C4BPA: variants seen among roughly 807,000 people sequenced by gnomAD.
The protein encoded by C4BPA is complement component 4 binding protein alpha.
Under a neutral mutation model 63.7 loss-of-function variants are expected in C4BPA, and 31 were observed. The ratio of observed to expected loss-of-function variants is 0.49; its 90% CI spans 0.37 to 0.66. C4BPA has a LOEUF of 0.66. C4BPA is among the 30% of genes least tolerant of loss of function. C4BPA has a pLI of 0.00. For missense variants in C4BPA, 572 were observed against 723.3 expected (o/e 0.79, Z 2.40); for synonymous variants, 259 against 254.7 (o/e 1.02, Z -0.16).
At position 207,133,551 on chromosome 1, in the gene C4BPA, C is replaced by T. The variant is rs188706104; in HGVS notation, c.1085-853C>T. Among the ~76,000 whole-genome samples the T allele has an allele frequency of 1.7e-3, 259 of 152,278 alleles. 2 individuals are homozygous for T. Among genetic ancestry groups the T allele is most frequent in the South Asian group, 0.016 (79 of 4,828 alleles). On this transcript the variant is annotated intron_variant, in intron 8 of 11. Transcript: ENST00000367070. ...GGCCGAGGTGGGGGGCCACTTGAGG[C>T]CAGGAGTTTGAGATCAGCCTGGGTA... is the stretch of plus-strand genomic sequence containing the variant.
chr1:207,133,350 A>T (rs1412109704), intron 8 of C4BPA, among the ~76,000 whole-genome samples: 1 of 152,232 alleles, frequency 6.6e-6, no homozygotes, highest in East Asian at 1.9e-4. Context: ...TGGAGAATGT[A>T]ATATTTTATT....
At chr1:207,122,188 T>C (rs1319620941) in intron 4 of C4BPA, among the ~76,000 whole-genome samples, 4 of 152,214 alleles carry the variant, frequency 2.6e-5, no homozygotes, top group African/African-American at 9.6e-5. Context: ...TTGGCTGTAG[T>C]TTGTCCTATG....
intron 9 of C4BPA, among the ~76,000 whole-genome samples, chr1:207,138,595 C>G (rs1685345922): frequency 6.6e-6 from 1 of 152,172 alleles, no homozygotes; most frequent in Admixed American, 6.5e-5. Flanking sequence ...ACACTAGGTT[C>G]TGCTGGGTCC....
chr1:207,126,861 C>A lies in C4BPA; in HGVS notation c.855C>A (p.Ser285Arg), dbSNP rs1347933631. The change falls in exon 7 of 12, where the codon AGC (serine) becomes AGA (arginine). Residue 285 changes from serine (S) to arginine (R), a missense_variant. Physicochemically the swap from Ser to Arg is moderately radical, Grantham distance 110 (BLOSUM62 -1). Coordinates refer to ENST00000367070, the MANE Select transcript of C4BPA (RefSeq NM_000715.4). ...GSSVIHCDAD[S>R]KWNPSPPACE... The stretch of plus-strand genomic sequence containing the variant: ...GTGTAATTCATTGTGATGCTGATAG[C>A]AAATGGAATCCTTCTCCTCCTGCTT... 2.5e-6 allele frequency: 4 copies of A among 1,612,952 alleles called. No homozygotes were observed. In the South Asian group the frequency reaches 4.4e-5, roughly 18 times the overall value.
intron 2 of C4BPA, 70 bp from the exon 3 acceptor site, chr1:207,114,030 A>G: frequency 1.5e-6 from 2 of 1,313,308 alleles, no homozygotes; most frequent in Non-Finnish European, 2.1e-6. Flanking sequence ...TAAACATCAC[A>G]CTTCAGAAAC....
chr1:207,104,583 T>C (rs1311150067), intron 1 of C4BPA, among the ~76,000 whole-genome samples, 153 bp downstream of exon 1: 4 of 152,218 alleles, frequency 2.6e-5, no homozygotes, highest in Admixed American at 6.5e-5. Context: ...TAGGGGGATG[T>C]AAGACTTGAG....
intron 7 of C4BPA, among the ~76,000 whole-genome samples, chr1:207,128,707 G>A (rs1164997857): frequency 6.6e-6 from 1 of 152,186 alleles, no homozygotes; most frequent in Non-Finnish European, 1.5e-5. Flanking sequence ...GCTGTTAGAT[G>A]TTGCACACTT....
Position 207,144,758 on chromosome 1 carries a change from G to T in C4BPA, c.*41G>T. 1.4e-6 allele frequency: 2 copies of T among 1,468,296 alleles called. No individual in the cohort carries two copies. The highest frequency in any genetic ancestry group is 1.9e-6 in the Non-Finnish European group (2 of 1,077,010). The allele number at this position is 1,468,296 out of a possible 1,614,324, so 91.0% of individuals were successfully genotyped here. A position where few individuals can be genotyped will look rare whatever the true frequency, so the allele number is the denominator to read the frequency against. ...GGAGGAAAAGGTGTCTTGCTGGCTTGCCTCTTGCAATTCAATACAGATCAG... is the reference window on the plus strand; with the variant it reads ...GGAGGAAAAGGTGTCTTGCTGGCTTTCCTCTTGCAATTCAATACAGATCAG... On this transcript the variant is annotated 3_prime_UTR_variant, in exon 12 of 12. Transcript: ENST00000367070.
Position 207,124,265 on chromosome 1 carries a change from G to T in C4BPA, c.605G>T (p.Ser202Ile), listed in dbSNP as rs751883518. 96 of 1,613,682 alleles carry T rather than the reference G, an allele frequency of 5.9e-5. No individual in the cohort carries two copies. Among genetic ancestry groups the T allele is most frequent in the Non-Finnish European group, 7.8e-5 (92 of 1,179,818 alleles). ...GCATACGGCTTTTCTGTCACCTACA[G>T]CTGTGACCCCCGCTTCTCACTCTTG... ...FYAYGFSVTYSCDPRFSLLGH... is the reference protein window; with the variant it reads ...FYAYGFSVTYICDPRFSLLGH... The change falls in exon 6 of 12, where the codon AGC (serine) becomes ATC (isoleucine). Residue 202 changes from serine to isoleucine, a missense_variant. Transcript: ENST00000367070.
rs1160430108 is a variant in C4BPA, at chr1:207,134,123, T to C, written c.1085-281T>C. On this transcript the variant is annotated intron_variant, in intron 8 of 11. Coordinates refer to ENST00000367070, the MANE Select transcript of C4BPA (RefSeq NM_000715.4). ...TTGAACTCCCAAAGCACTGGGATTA[T>C]AGGCATGAGCTACCACACCTGGCTC... 4.6e-5 allele frequency among the ~76,000 whole-genome samples: 7 copies of C among 152,332 alleles called. 1 individual carries two copies. In the South Asian group the frequency reaches 1.0e-3, roughly 23 times the overall value.
chr1:207,117,652 G>A (rs1684832587), intron 4 of C4BPA, among the ~76,000 whole-genome samples: 2 of 152,072 alleles, frequency 1.3e-5, no homozygotes, highest in South Asian at 4.1e-4. Context: ...AAGTACATAG[G>A]AAACTTCACA....
intron 1 of C4BPA, among the ~76,000 whole-genome samples, chr1:207,112,447 CT>C (rs1684689574): frequency 6.6e-6 from 1 of 151,596 alleles, no homozygotes; most frequent in Non-Finnish European, 1.5e-5. Flanking sequence ...CTCACTCAAC[CT>C]CCCTGTTTCT....
At position 207,119,444 on chromosome 1, in the gene C4BPA, C is replaced by A. The variant is rs778845173; in HGVS notation, c.428+3929C>A. 3.2e-5 allele frequency among the ~76,000 whole-genome samples: 3 copies of A among 93,356 alleles called. 1 individual carries two copies. Among genetic ancestry groups the A allele is most frequent in the Non-Finnish European group, 8.0e-5 (3 of 37,634 alleles). 61.2% of individuals were successfully genotyped at this position (93,356 alleles called of 152,430 possible). Reference sequence around the variant, plus strand: ...TAATTACAGCTTAGCTAAGTTGACACAACATAAATCTACCACAGCTCACTC... The same window carrying A: ...TAATTACAGCTTAGCTAAGTTGACAAAACATAAATCTACCACAGCTCACTC... On this transcript the variant is annotated intron_variant, in intron 4 of 11. Coordinates refer to ENST00000367070, the MANE Select transcript of C4BPA (RefSeq NM_000715.4).
Position 207,131,554 on chromosome 1 carries a change from A to G in C4BPA, c.898A>G (p.Ile300Val), listed in dbSNP as rs1384823388. 2 of 1,605,778 alleles carry G rather than the reference A, an allele frequency of 1.2e-6. No individual in the cohort carries two copies. Among genetic ancestry groups the G allele is most frequent in the Non-Finnish European group, 1.7e-6 (2 of 1,173,342 alleles). ...SPPACEPNSC[I>V]NLPDIPHASW... ...TCTTCTTTCATGAGTAGATAGTTGT[A>G]TTAATTTACCAGACATTCCACATGC... The change falls in exon 8 of 12, where the codon ATT becomes GTT. Residue 300 changes from isoleucine (I) to valine (V), a missense_variant. Physicochemically the swap from Ile to Val is conservative, Grantham distance 29 (BLOSUM62 3). Transcript: ENST00000367070.
intron 2 of C4BPA, among the ~76,000 whole-genome samples, chr1:207,113,390 A>T (rs1292097192): frequency 6.6e-6 from 1 of 152,166 alleles, no homozygotes; most frequent in African/African-American, 2.4e-5. Context: ...CCAGGAAAGA[A>T]TTTCTCTCCC....
At chr1:207,129,834 T>C (rs186980926) in intron 7 of C4BPA, among the ~76,000 whole-genome samples, 2 of 152,266 alleles carry the variant, frequency 1.3e-5, no homozygotes, top group African/African-American at 4.8e-5. Flanking sequence ...GGAGGGCAAG[T>C]ATATATTTAG....
Position 207,116,818 on chromosome 1 carries a change from T to C in C4BPA, c.428+1303T>C, listed in dbSNP as rs1572779440. ...ACAGTATGAGGTACAGATTTTAGACTATATCTTTTCATATTGCTTTCCTGT... is the reference window on the plus strand; with the variant it reads ...ACAGTATGAGGTACAGATTTTAGACCATATCTTTTCATATTGCTTTCCTGT... On this transcript the variant is annotated intron_variant, in intron 4 of 11. Transcript: ENST00000367070. 3.3e-5 allele frequency among the ~76,000 whole-genome samples: 5 copies of C among 152,294 alleles called. No homozygotes were observed. In the South Asian group the frequency reaches 1.0e-3, roughly 32 times the overall value.
chr1:207,107,441 G>C (rs1034296056), intron 1 of C4BPA, among the ~76,000 whole-genome samples: 1 of 152,140 alleles, frequency 6.6e-6, no homozygotes, highest in Admixed American at 6.5e-5. Context: ...CCCAGCTACT[G>C]GGGAGACTGA....
rs1173149481 is a variant in C4BPA at position 207,126,701 on chromosome 1, A to G, written c.707-12A>G. On this transcript the variant is annotated splice_polypyrimidine_tract_variant and intron_variant, in intron 6 of 11. Transcript: ENST00000367070. ...TTTTAAAATCCACTTGTCTTTTCTC[A>G]TGATTCTTTAGAAATCACCTGTCGC... 6.2e-7 allele frequency: 1 copy of G among 1,600,098 alleles called. No homozygotes were observed. The highest frequency in any genetic ancestry group is 2.2e-5 in the East Asian group (1 of 44,618).
Sources: allele counts gnomAD v4.1 joint callset (sites outside exome capture counted in the v4.1 genomes callset), GRCh38; gene constraint gnomAD v4.1.1; transcripts MANE v1.5; gene names NCBI Gene and HGNC (gene_info 2026-07-23, HGNC 2026-07-21).